PRSS23: variants seen among roughly 807,000 people sequenced by gnomAD.
PRSS23 encodes the protein serine protease 23.
Under a neutral mutation model 34.7 loss-of-function variants are expected in PRSS23, and 25 were observed. That is an observed-to-expected ratio of 0.72 (90% CI 0.53 to 1.01). The LOEUF (loss-of-function observed/expected upper bound fraction) is 1.01. Among genes scored for constraint, PRSS23 ranks in the 50% least tolerant of loss-of-function variants. The probability of loss-of-function intolerance (pLI) is 0.00; values close to 1 mark genes in which losing one functional copy is unlikely to be tolerated. For synonymous variants in PRSS23, 176 were observed against 186.6 expected (o/e 0.94, Z 0.46); for missense variants, 445 against 475.6 (o/e 0.94, Z 0.60).
chr11:86,919,488 T>C (rs931055858), intron 2 of PRSS23, among the ~76,000 whole-genome samples: 31 of 152,144 alleles, frequency 2.0e-4, no homozygotes, highest in Admixed American at 2.0e-3. Flanking sequence ...TCTGTTCTAT[T>C]TCTAATTGAA....
chr11:86,803,866 A>G (rs940556311), intron 1 of PRSS23, among the ~76,000 whole-genome samples: 3 of 152,178 alleles, frequency 2.0e-5, no homozygotes, highest in African/African-American at 7.2e-5. Flanking sequence ...GATCAGGGAA[A>G]TCTTGTCTGC....
Position 86,824,823 on chromosome 11 carries a change from G to A in PRSS23, c.206+1230G>A, listed in dbSNP as rs1338253368. ...AGGACATGAACTCATCATTTTTTAT[G>A]GCTGCATAGTATTCCATGATGTATA... On this transcript the variant is annotated intron_variant, in intron 2 of 2. Coordinates refer to the PRSS23 transcript ENST00000533902. Among the ~76,000 whole-genome samples the A allele has an allele frequency of 3.9e-5, 6 of 152,042 alleles. No homozygotes were observed. The East Asian group carries it at 1.2e-3, about 29-fold the overall frequency.
rs528411909 is a variant in PRSS23 at position 86,950,969 on chromosome 11, A to C, written c.207-247A>C. 2.8e-4 allele frequency: 195 copies of C among 701,876 alleles called. No individual in the cohort carries two copies. Among genetic ancestry groups the C allele is most frequent in the South Asian group, 1.3e-3 (75 of 59,264 alleles). The allele number at this position is 701,876 out of a possible 1,614,324, so 43.5% of individuals were successfully genotyped here. A position where few individuals can be genotyped will look rare whatever the true frequency, so the allele number is the denominator to read the frequency against. ...TCATTCCAAAGTCTGCAGCAAAATCATTGGTTTTTTGATGCTGGGGTCGGG... is the reference window on the plus strand; with the variant it reads ...TCATTCCAAAGTCTGCAGCAAAATCCTTGGTTTTTTGATGCTGGGGTCGGG... On this transcript the variant is annotated intron_variant, in intron 2 of 2. Transcript: ENST00000533902.
intron 2 of PRSS23, chr11:86,837,613 A>T (rs1948416788): frequency 6.6e-6 from 1 of 152,184 alleles, no homozygotes; most frequent in African/African-American, 2.4e-5. Flanking sequence ...CTAAAATTAC[A>T]AATATTAGCT....
rs138632737 is a variant in PRSS23, at chr11:86,880,821, G to T, written c.206+57228G>T. Reference sequence around the variant, plus strand: ...TCATCCATGTCCCTGCAAAGGACACGATCTCATTATTTTCTTATGGCTGCA... The same window carrying T: ...TCATCCATGTCCCTGCAAAGGACACTATCTCATTATTTTCTTATGGCTGCA... On this transcript the variant is annotated intron_variant, in intron 2 of 2. Coordinates refer to the PRSS23 transcript ENST00000533902. Among the ~76,000 whole-genome samples the T allele has an allele frequency of 5.3e-3, 809 of 152,260 alleles. 6 individuals carry two copies. The highest frequency in any genetic ancestry group is 0.018 in the African/African-American group (757 of 41,536).
chr11:86,900,648 G>A (rs539860687), intron 2 of PRSS23, among the ~76,000 whole-genome samples: 11 of 152,160 alleles, frequency 7.2e-5, no homozygotes, highest in South Asian at 4.2e-4. Context: ...GCCTCTGACA[G>A]TATATAGGCG....
At chr11:86,842,354 TC>T (rs1473420065) in intron 2 of PRSS23, among the ~76,000 whole-genome samples, 1 of 152,184 alleles carries the variant, frequency 6.6e-6, no homozygotes, top group African/African-American at 2.4e-5. Flanking sequence ...CTGGAAGCAT[TC>T]CCTTTGAAAA....
At position 86,918,932 on chromosome 11, in the gene PRSS23, C is replaced by G. The variant is rs574700416; in HGVS notation, c.207-32284C>G. Among the ~76,000 whole-genome samples the G allele has an allele frequency of 1.6e-3, 244 of 152,278 alleles. 1 individual carries two copies. The highest frequency in any genetic ancestry group is 2.7e-3 in the Non-Finnish European group (184 of 68,034). ...AAGAAAGAGGCTCCAGTAGAAGCCA[C>G]CATGGAAGGAGTAAGGGCCTAGTGG... On this transcript the variant is annotated intron_variant, in intron 2 of 2. Transcript: ENST00000533902.
chr11:86,938,958 G>A (rs1293477843), intron 2 of PRSS23: 1 of 420,278 alleles, frequency 2.4e-6, no homozygotes, highest in Non-Finnish European at 4.7e-6. Flanking sequence ...CAAATGGGAG[G>A]AGGCCTTCTC....
intron 2 of PRSS23, among the ~76,000 whole-genome samples, chr11:86,852,426 A>G (rs1366176651): frequency 6.6e-6 from 1 of 152,326 alleles, no homozygotes; most frequent in Non-Finnish European, 1.5e-5. Context: ...GTTAGTGTCC[A>G]TTGAAGCTTT....
upstream of PRSS23, among the ~76,000 whole-genome samples, chr11:86,797,807 A>G (rs1177805731): frequency 6.6e-6 from 1 of 152,240 alleles, no homozygotes; most frequent in African/African-American, 2.4e-5. Context: ...CACTATGTAT[A>G]TTCATTCAAT....
chr11:86,829,814 A>G (rs1265288267), intron 2 of PRSS23, among the ~76,000 whole-genome samples: 2 of 152,172 alleles, frequency 1.3e-5, no homozygotes, highest in Non-Finnish European at 2.9e-5. Context: ...ATTTTCGTGA[A>G]CCACGAATGC....
At chr11:86,879,488 G>A (rs1948753745) in intron 2 of PRSS23, among the ~76,000 whole-genome samples, 1 of 127,574 alleles carries the variant, frequency 7.8e-6, no homozygotes, top group Admixed American at 7.8e-5. Context: ...GCCCCGTCCG[G>A]GAGGGAGGTG....
rs1233995401 is a variant in PRSS23, at chr11:86,807,743, G to A, written c.100G>A (p.Ala34Thr). 7 of 1,614,122 alleles carry A rather than the reference G, an allele frequency of 4.3e-6. No homozygotes were observed. Among genetic ancestry groups the A allele is most frequent in the Non-Finnish European group, 5.9e-6 (7 of 1,180,004 alleles). ...TGCCCCCTGGAAACCCACTTGGCCT[G>A]CATACCGCCTCCCTGTCGTCTTGCC... is the stretch of plus-strand genomic sequence containing the variant. The part of the protein sequence containing the change: ...YSAPWKPTWP[A>T]YRLPVVLPQS... Residue 34 changes from alanine (A) to threonine (T), a missense_variant, in exon 2 of 2, where the codon GCA (alanine) becomes ACA (threonine). Ala to Thr is a moderately conservative substitution (Grantham distance 58, BLOSUM62 0). Coordinates refer to ENST00000280258, the MANE Select transcript of PRSS23 (RefSeq NM_007173.6).
chr11:86,818,004 G>T (rs1445157870), intron 1 of PRSS23, among the ~76,000 whole-genome samples: 2 of 152,158 alleles, frequency 1.3e-5, no homozygotes, highest in Admixed American at 1.3e-4. Context: ...AACTAACCAT[G>T]CCTCCAGATT....
intron 2 of PRSS23, chr11:86,833,022 A>G (rs1235302204): frequency 2.2e-6 from 1 of 445,118 alleles, no homozygotes; most frequent in Non-Finnish European, 4.2e-6. Context: ...AAAACACAAA[A>G]CTAGGAAGCC....
intron 2 of PRSS23, among the ~76,000 whole-genome samples, chr11:86,895,802 G>A (rs1270440766): frequency 1.3e-5 from 2 of 152,080 alleles, no homozygotes; most frequent in East Asian, 3.9e-4. Context: ...TTTTAACCAG[G>A]TGTTTTGCAC....
At chr11:86,836,403 A>T (rs1448948671) in intron 2 of PRSS23, among the ~76,000 whole-genome samples, 1 of 152,104 alleles carries the variant, frequency 6.6e-6, no homozygotes, top group African/African-American at 2.4e-5. Context: ...TTCTTTGCTC[A>T]TCCATATTGT....
intron 1 of PRSS23, among the ~76,000 whole-genome samples, chr11:86,795,006 T>C (rs75210520): frequency 0.04 from 6,075 of 152,250 alleles, 238 homozygotes; most frequent in East Asian, 0.2. Context: ...CTATAATTCT[T>C]CCTGAATTCA....
Sources: allele counts gnomAD v4.1 joint callset (sites outside exome capture counted in the v4.1 genomes callset), GRCh38; gene constraint gnomAD v4.1.1; transcripts MANE v1.5; gene names NCBI Gene and HGNC (gene_info 2026-07-23, HGNC 2026-07-21).